KCND3: variants seen among roughly 807,000 people sequenced by gnomAD.
The protein encoded by KCND3 is A-type voltage-gated potassium channel KCND3.
A neutral mutation model predicts 51.1 loss-of-function variants in KCND3; 9 were observed. The ratio of observed to expected loss-of-function variants is 0.18; its 90% CI spans 0.11 to 0.31. KCND3 has a LOEUF of 0.31. Among genes scored for constraint, KCND3 ranks in the 10% least tolerant of loss-of-function variants. The pLI, the probability that KCND3 is intolerant of heterozygous loss-of-function variation, is 1.00. For missense variants in KCND3, 526 were observed against 903.8 expected (o/e 0.58, Z 5.36); for synonymous variants, 349 against 368.0 (o/e 0.95, Z 0.59).
At chr1:111,862,120 C>A (rs545081633) in intron 2 of KCND3, among the ~76,000 whole-genome samples, 11 of 152,334 alleles carry the variant, frequency 7.2e-5, no homozygotes, top group African/African-American at 2.6e-4. Context: ...AGAGACTCTG[C>A]CCAGACAGAT....
At chr1:111,927,224 C>A (rs1203613199) in intron 2 of KCND3, among the ~76,000 whole-genome samples, 4 of 152,162 alleles carry the variant, frequency 2.6e-5, no homozygotes, top group Non-Finnish European at 5.9e-5. Flanking sequence ...GGGCTGCCCC[C>A]CAGTGGGGGC....
intron 2 of KCND3, among the ~76,000 whole-genome samples, chr1:111,890,017 C>A (rs937581390): frequency 6.6e-6 from 1 of 152,048 alleles, no homozygotes; most frequent in Non-Finnish European, 1.5e-5. Flanking sequence ...GGACTAGGAG[C>A]AAGAGTCGCA....
intron 2 of KCND3, among the ~76,000 whole-genome samples, chr1:111,944,723 T>C (rs1672696859): frequency 6.6e-6 from 1 of 152,264 alleles, no homozygotes; most frequent in Non-Finnish European, 1.5e-5. Context: ...GCCTAGCACA[T>C]ACAAGGAACT....
chr1:111,940,459 C>T (rs1571878167), intron 2 of KCND3, among the ~76,000 whole-genome samples: 2 of 152,220 alleles, frequency 1.3e-5, no homozygotes, highest in South Asian at 4.1e-4. Context: ...AGCCTGTTTT[C>T]CCAACACCAT....
chr1:111,837,986 C>T (rs1385463313), intron 2 of KCND3, among the ~76,000 whole-genome samples: 5 of 152,076 alleles, frequency 3.3e-5, no homozygotes, highest in East Asian at 3.9e-4. Flanking sequence ...CATGTCATAC[C>T]GAGGGCACAT....
chr1:111,912,462 T>C (rs1457861115), intron 2 of KCND3, among the ~76,000 whole-genome samples: 3 of 152,226 alleles, frequency 2.0e-5, no homozygotes, highest in Admixed American at 2.0e-4. Flanking sequence ...GTTACTGGTT[T>C]ATGTATTTAC....
chr1:111,957,948 G>A (rs1673423024), intron 2 of KCND3, among the ~76,000 whole-genome samples: 1 of 152,214 alleles, frequency 6.6e-6, no homozygotes, highest in South Asian at 2.1e-4. Context: ...AAAAGAGGGG[G>A]GAAAGCACTC....
chr1:111,832,433 G>A (rs1009314), intron 2 of KCND3, among the ~76,000 whole-genome samples: 5,105 of 152,228 alleles, frequency 0.034, 147 homozygotes, highest in South Asian at 0.074. Context: ...AAAGCCATCT[G>A]TAATAAACAT....
rs1672270040 is a variant in KCND3 at position 111,937,319 on chromosome 1, C to T, written c.1106+44302G>A. ...CAGACACAGTGACCTCTCTGGCCAC[C>T]CCAGGCAACCCCTCCACAGGCAGCA... On this transcript the variant is annotated intron_variant, in intron 2 of 7. Coordinates refer to ENST00000302127, the MANE Select transcript of KCND3 (RefSeq NM_001378969.1). Among the ~76,000 whole-genome samples the T allele has an allele frequency of 4.6e-5, 7 of 152,036 alleles. No individual in the cohort carries two copies. In the South Asian group the frequency reaches 1.5e-3, roughly 32 times the overall value.
chr1:111,821,963 A>T (rs1301604660), intron 2 of KCND3, among the ~76,000 whole-genome samples: 4 of 152,088 alleles, frequency 2.6e-5, no homozygotes, highest in Non-Finnish European at 5.9e-5. Flanking sequence ...CTTTCCAGGC[A>T]ATTATAAGCA....
intron 2 of KCND3, among the ~76,000 whole-genome samples, chr1:111,871,933 G>A (rs185029633): frequency 2.1e-4 from 32 of 152,270 alleles, no homozygotes; most frequent in African/African-American, 7.5e-4. Flanking sequence ...GGGCCAAGGA[G>A]ATCAGGAGCA....
At chr1:111,896,832 A>T (rs6674714) in intron 2 of KCND3, among the ~76,000 whole-genome samples, 22,716 of 152,200 alleles carry the variant, frequency 0.15, 1,730 homozygotes, top group African/African-American at 0.17. Context: ...GGAACCTTAG[A>T]CAAGTTACTT....
intron 2 of KCND3, among the ~76,000 whole-genome samples, chr1:111,877,862 A>G (rs1275942421): frequency 6.6e-6 from 1 of 152,206 alleles, no homozygotes; most frequent in African/African-American, 2.4e-5. Flanking sequence ...CAGAAAACCA[A>G]ATCATCACAT....
chr1:111,825,674 C>A (rs1390436000), intron 2 of KCND3, among the ~76,000 whole-genome samples: 3 of 152,106 alleles, frequency 2.0e-5, no homozygotes, highest in Admixed American at 6.6e-5. Flanking sequence ...CCAAAGATAC[C>A]ATCATTGTAT....
intron 2 of KCND3, among the ~76,000 whole-genome samples, chr1:111,900,246 C>T (rs1375713912): frequency 6.6e-6 from 1 of 152,190 alleles, no homozygotes; most frequent in Admixed American, 6.5e-5. Context: ...GACTCTTTAC[C>T]TCCCTCTGGA....
intron 2 of KCND3, among the ~76,000 whole-genome samples, chr1:111,799,276 A>G (rs984937062): frequency 6.6e-6 from 1 of 152,188 alleles, no homozygotes; most frequent in Admixed American, 6.5e-5. Context: ...ACCCTCCCCA[A>G]ACACTTCAGG....
At position 111,982,639 on chromosome 1, in the gene KCND3, C is replaced by G. The variant is rs779475742; in HGVS notation, c.88G>C (p.Ala30Pro). ...TGCCGCTTGTTCTTGTCGGCCGGGG[C>G]CAGGGGCATGGGGCAGTTGGCCACC... ...MPVANCPMPL[A>P]PADKNKRQDE... Residue 30 changes from alanine to proline, a missense_variant, in exon 2 of 8, where the codon GCC becomes CCC. By Grantham distance (27) the Ala-to-Pro change is conservative (BLOSUM62 -1). Transcript: ENST00000302127. This position sits in a 1 kb window ranked among gnomAD's most constrained non-coding sequence, Gnocchi z 8.5. The G allele has an allele frequency of 6.2e-7, 1 of 1,613,598 alleles. No homozygotes were observed. Among genetic ancestry groups the G allele is most frequent in the Admixed American group, 1.7e-5 (1 of 60,000 alleles).
intron 2 of KCND3, among the ~76,000 whole-genome samples, chr1:111,965,748 T>C (rs1215189259): frequency 1.3e-5 from 2 of 152,106 alleles, no homozygotes; most frequent in African/African-American, 2.4e-5. Flanking sequence ...TCATGAAATA[T>C]ACAAACCTTG....
At position 111,874,736 on chromosome 1, in the gene KCND3, C is replaced by G. The variant is rs79159635; in HGVS notation, c.1107-87630G>C. 7.9e-4 allele frequency among the ~76,000 whole-genome samples: 120 copies of G among 152,310 alleles called. 3 individuals carry two copies. The East Asian group carries it at 0.018, about 23-fold the overall frequency. ...AAGATAAAACCAACCCCCTATCCCC[C>G]AACAATGACACACACGCCTTTTCTT... On this transcript the variant is annotated intron_variant, in intron 2 of 7. Coordinates refer to ENST00000302127, the MANE Select transcript of KCND3 (RefSeq NM_001378969.1).
Sources: allele counts gnomAD v4.1 joint callset (sites outside exome capture counted in the v4.1 genomes callset), GRCh38; gene constraint gnomAD v4.1.1; non-coding constraint Gnocchi (gnomAD v3.1); transcripts MANE v1.5; gene names NCBI Gene and HGNC (gene_info 2026-07-23, HGNC 2026-07-21).